PTPN13: variants seen among roughly 807,000 people sequenced by gnomAD.
PTPN13 encodes the protein protein tyrosine phosphatase non-receptor type 13, also known as tyrosine-protein phosphatase non-receptor type 13.
In PTPN13, 191 loss-of-function variants were observed where a neutral mutation model predicts 284.0. That is an observed-to-expected ratio of 0.67 (90% confidence interval 0.60 to 0.76). The LOEUF (loss-of-function observed/expected upper bound fraction) is 0.76. Ranked by LOEUF, PTPN13 falls within the 30% of genes least tolerant of loss-of-function variation. The pLI is 0.00. For synonymous variants in PTPN13, 986 were observed against 1,022.3 expected (o/e 0.96, Z 0.68); for missense variants, 2,797 against 2,939.9 (o/e 0.95, Z 1.12).
chr4:86,660,083 C>T (rs894463344), intron 2 of PTPN13, among the ~76,000 whole-genome samples: 2 of 152,116 alleles, frequency 1.3e-5, no homozygotes, highest in African/African-American at 4.8e-5. Flanking sequence ...GATGATCAAT[C>T]TAAGCAATCA....
intron 3 of PTPN13, among the ~76,000 whole-genome samples, chr4:86,683,855 A>T (rs1185124073): frequency 1.3e-5 from 2 of 152,188 alleles, no homozygotes; most frequent in African/African-American, 4.8e-5. Flanking sequence ...AAATTAATAT[A>T]ATTGAGCATG....
Position 86,774,413 on chromosome 4 carries a change from G to A in PTPN13, c.5390G>A (p.Gly1797Glu). Residue 1797 changes from glycine (G) to glutamate (E), a missense_variant, in exon 33 of 48, where the codon GGA (glycine) becomes GAA (glutamate). Coordinates refer to ENST00000411767, the MANE Select transcript of PTPN13 (RefSeq NM_080683.3). ...ATTACCCTAATTAAATCAGAAAAAG[G>A]AAGCCTGGGTTTTACAGTAACCAAA... ...LLITLIKSEK[G>E]SLGFTVTKGN... is the part of the protein sequence containing the mutation. 6.2e-7 allele frequency: 1 copy of A among 1,607,016 alleles called. No homozygotes were observed. Among genetic ancestry groups the A allele is most frequent in the Non-Finnish European group, 8.5e-7 (1 of 1,176,486 alleles).
intron 28 of PTPN13, among the ~76,000 whole-genome samples, chr4:86,768,374 A>G (rs1739571164): frequency 1.3e-5 from 2 of 152,194 alleles, no homozygotes; most frequent in South Asian, 4.1e-4. Flanking sequence ...CTGGGCAGAT[A>G]TTCACATAGT....
chr4:86,669,387 A>G (rs1240556072), intron 2 of PTPN13, among the ~76,000 whole-genome samples: 1 of 150,896 alleles, frequency 6.6e-6, no homozygotes, highest in Non-Finnish European at 1.5e-5. Flanking sequence ...AAGTTGAAAT[A>G]TATAGTTTCA....
At chr4:86,774,598 A>G in intron 33 of PTPN13, 67 bp downstream of exon 33, 1 of 1,409,650 alleles carries the variant, frequency 7.1e-7, no homozygotes, top group Non-Finnish European at 9.6e-7. Context: ...GAAAAAGAAG[A>G]TTGAATTATT....
chr4:86,763,006 A>T lies in PTPN13; in HGVS notation c.3833A>T (p.Gln1278Leu). The change falls in exon 24 of 48, where the codon CAG (glutamine) becomes CTG (leucine). Residue 1278 changes from glutamine to leucine, a missense_variant. Coordinates refer to ENST00000411767, the MANE Select transcript of PTPN13 (RefSeq NM_080683.3). ...HLGDQTWQESQHGSPSPSVIS... is the reference protein window; with the variant it reads ...HLGDQTWQESLHGSPSPSVIS... The stretch of plus-strand genomic sequence containing the variant: ...GGTGACCAAACCTGGCAGGAATCAC[A>T]GCATGGCAGCCCTTCCCCATCTGTA... The T allele has an allele frequency of 6.2e-7, 1 of 1,613,972 alleles. No individual in the cohort carries two copies. The highest frequency in any genetic ancestry group is 2.2e-5 in the East Asian group (1 of 44,862).
intron 2 of PTPN13, among the ~76,000 whole-genome samples, chr4:86,650,392 G>A (rs780337922): frequency 8.5e-5 from 13 of 152,132 alleles, no homozygotes; most frequent in Non-Finnish European, 1.6e-4. Flanking sequence ...GCTCACTGCA[G>A]CCTCTGCCTC....
At position 86,701,247 on chromosome 4, in the gene PTPN13, G is replaced by T. The variant is rs1351415166; in HGVS notation, c.641G>T (p.Ser214Ile). Residue 214 changes from serine to isoleucine, a missense_variant, in exon 7 of 48, where the codon AGC becomes ATC. Physicochemically the swap from Ser to Ile is moderately radical, Grantham distance 142 (BLOSUM62 -2). Coordinates refer to ENST00000411767, the MANE Select transcript of PTPN13 (RefSeq NM_080683.3). ...LRGKGLPTGR[S>I]STSDVLDIQK... ...TAGATTCTTATCATTCCAGGAAGAA[G>T]CTCTACTTCTGATGTACTAGACATA... 1.3e-6 allele frequency: 2 copies of T among 1,553,206 alleles called. No homozygotes were observed. The highest frequency in any genetic ancestry group is 2.3e-5 in the East Asian group (1 of 44,364).
At chr4:86,681,440 A>G (rs1171597933) in intron 3 of PTPN13, among the ~76,000 whole-genome samples, 1 of 152,198 alleles carries the variant, frequency 6.6e-6, no homozygotes, top group Non-Finnish European at 1.5e-5. Flanking sequence ...TCTAATGGGT[A>G]GAAGCCACGG....
intron 2 of PTPN13, among the ~76,000 whole-genome samples, chr4:86,664,475 G>T (rs555228472): frequency 6.6e-6 from 1 of 152,150 alleles, no homozygotes; most frequent in Non-Finnish European, 1.5e-5. Context: ...AACTTTAAAA[G>T]GTTGTGGACC....
rs747227041 is a variant in PTPN13, at chr4:86,672,379, C to T, written c.130C>T (p.Pro44Ser). Residue 44 changes from proline (P) to serine (S), a missense_variant, in exon 3 of 48, where the codon CCT becomes TCT. Coordinates refer to ENST00000411767, the MANE Select transcript of PTPN13 (RefSeq NM_080683.3). ...ELFRKVSLAD[P>S]AALGFIISPW... ...TTACAAACCAGTAAGCCTAGCTGATCCTGCTGCCCTTGGCTTCATCATTTC... is the reference window on the plus strand; with the variant it reads ...TTACAAACCAGTAAGCCTAGCTGATTCTGCTGCCCTTGGCTTCATCATTTC... The T allele has an allele frequency of 1.3e-6, 2 of 1,547,238 alleles. No homozygotes were observed. The highest frequency in any genetic ancestry group is 1.7e-6 in the Non-Finnish European group (2 of 1,145,858).
At chr4:86,796,840 G>C in intron 40 of PTPN13, 34 bp from the exon 41 acceptor site, 1 of 1,352,656 alleles carries the variant, frequency 7.4e-7, no homozygotes, top group Non-Finnish European at 1.0e-6. Flanking sequence ...TTGTTACAAT[G>C]GGCTGATTTG....
chr4:86,680,380 T>TCTATCTATCTATCTAC (rs1728756905), intron 3 of PTPN13, among the ~76,000 whole-genome samples: 1 of 151,718 alleles, frequency 6.6e-6, no homozygotes, highest in Non-Finnish European at 1.5e-5. Flanking sequence ...TATCTATCTA[T>TCTATCTATCTATCTAC]CTATCTATCT....
intron 1 of PTPN13, among the ~76,000 whole-genome samples, chr4:86,621,223 A>G (rs1721201657): frequency 6.6e-6 from 1 of 152,352 alleles, no homozygotes; most frequent in South Asian, 2.1e-4. Context: ...CAATTAGTGC[A>G]TCAAAATCTC....
rs186339391 is a variant in PTPN13 at position 86,704,721 on chromosome 4, T to C, written c.1195+2920T>C. ...CTTTCAATTGTTCGATATAGGACAA[T>C]CTTGAAATCTTTTTAACTAGGGTTT... On this transcript the variant is annotated intron_variant, in intron 7 of 47. Transcript: ENST00000411767. Among the ~76,000 whole-genome samples the C allele has an allele frequency of 6.6e-5, 10 of 152,284 alleles. No individual in the cohort carries two copies. In the East Asian group the frequency reaches 1.9e-3, roughly 29 times the overall value.
intron 2 of PTPN13, among the ~76,000 whole-genome samples, chr4:86,669,168 A>G (rs1448896955): frequency 3.3e-5 from 5 of 151,090 alleles, no homozygotes; most frequent in Non-Finnish European, 5.9e-5. Context: ...GCTATCCTCC[A>G]AACTCTTTTT....
chr4:86,614,129 C>CT (rs1720271241), intron 1 of PTPN13, among the ~76,000 whole-genome samples: 1 of 152,036 alleles, frequency 6.6e-6, no homozygotes. Context: ...TTATTAGCAA[C>CT]TTTTTCAGTA....
chr4:86,711,247 C>G (rs982021027), intron 7 of PTPN13, among the ~76,000 whole-genome samples: 1 of 151,818 alleles, frequency 6.6e-6, no homozygotes, highest in Admixed American at 6.6e-5. Flanking sequence ...CTCCTGGGCT[C>G]GATCAATCCA....
intron 7 of PTPN13, 40 bp from the exon 8 acceptor site, chr4:86,716,490 A>G: frequency 8.4e-7 from 1 of 1,185,170 alleles, no homozygotes. Flanking sequence ...GGAATAGCTA[A>G]TGAGTTTGCT....
Sources: gnomAD v4.1 joint callset for allele counts (sites outside exome capture counted in the v4.1 genomes callset) on GRCh38, gnomAD v4.1.1 for gene constraint, MANE v1.5 for transcripts, NCBI Gene and HGNC (gene_info 2026-07-23, HGNC 2026-07-21) for gene names.